Variants in ZNF721 observed in about 807,000 individuals in gnomAD.
ZNF721 encodes zinc finger protein 721.
Under a neutral mutation model 2.4 loss-of-function variants are expected in ZNF721, and 2 were observed. That is an observed-to-expected ratio of 0.82 (90% CI 0.34 to 2.58). ZNF721 has a LOEUF of 2.58. Ranked by LOEUF, ZNF721 falls within the 30% of genes most tolerant of loss-of-function variation. The pLI, the probability that ZNF721 is intolerant of heterozygous loss-of-function variation, is 0.11. For missense variants in ZNF721, 1,187 were observed against 1,085.5 expected, an observed-to-expected ratio of 1.09 and a Z score of -1.31; for synonymous variants, 398 against 381.8, an observed-to-expected ratio of 1.04 and a Z score of -0.50.
intron 2 of ZNF721, among the ~76,000 whole-genome samples, chr4:462,182 G>A (rs533720681): frequency 1.3e-5 from 2 of 152,142 alleles, no homozygotes; most frequent in South Asian, 4.1e-4. Flanking sequence ...AAAATACCTA[G>A]GAATACAATT....
intron 2 of ZNF721, among the ~76,000 whole-genome samples, chr4:451,575 T>A (rs1714662389): frequency 6.6e-6 from 1 of 152,176 alleles, no homozygotes; most frequent in Admixed American, 6.5e-5. Context: ...CTGGTGAATG[T>A]AAATATATAT....
intron 2 of ZNF721, among the ~76,000 whole-genome samples, chr4:444,979 CTTTT>C (rs569762644): frequency 2.8e-4 from 30 of 108,714 alleles, no homozygotes; most frequent in Admixed American, 3.0e-4. Context: ...TGATGAGAGA[CTTTT>C]TTTTTTTTTT....
chr4:455,363 A>G (rs868946536), intron 2 of ZNF721, among the ~76,000 whole-genome samples: 46 of 152,208 alleles, frequency 3.0e-4, no homozygotes, highest in South Asian at 1.9e-3. Context: ...AGGTCAAGCG[A>G]TCGAGACCAT....
Position 441,855 on chromosome 4 carries a change from C to A in ZNF721, c.2612G>T (p.Gly871Val). Residue 871 changes from glycine to valine, a missense_variant, in exon 3 of 3, where the codon GGC becomes GTC. Physicochemically the swap from Gly to Val is moderately radical, Grantham distance 109. Transcript: ENST00000511833. The stretch of plus-strand genomic sequence containing the variant: ...ATTTGCAGACTGTCTAAAGGTTTTG[C>A]CACATTCTCCACATGTGTAGGGTTT... ...GEKPYTCGEC[G>V]KTFRQSANLY... 6.2e-7 allele frequency: 1 copy of A among 1,613,988 alleles called. No individual in the cohort carries two copies. The highest frequency in any genetic ancestry group is 1.1e-5 in the South Asian group (1 of 91,074).
chr4:468,541 T>C (rs73219252), intron 2 of ZNF721, among the ~76,000 whole-genome samples: 20,769 of 152,164 alleles, frequency 0.14, 2,104 homozygotes, highest in African/African-American at 0.29. Flanking sequence ...CCAATCCTAC[T>C]GCCTGCCATA....
chr4:443,680 T>C lies in ZNF721; in HGVS notation c.787A>G (p.Ser263Gly), dbSNP rs370185676. The change falls in exon 3 of 3, where the codon AGC becomes GGC. Residue 263 changes from serine to glycine, a missense_variant. Ser to Gly is a moderately conservative substitution (Grantham distance 56, BLOSUM62 0). Coordinates refer to ENST00000511833, the MANE Select transcript of ZNF721 (RefSeq NM_133474.4). ...TGAATCCTCTTATGTTTAGCAAAGC[T>C]TGAGGATGAGGAAATGACTTTGCCA... ...ECGKVISSSSSFAKHKRIHTG... is the reference protein window; with the variant it reads ...ECGKVISSSSGFAKHKRIHTG... The C allele has an allele frequency of 6.4e-5, 103 of 1,614,068 alleles. No individual in the cohort carries two copies. The African/African-American group carries it at 1.3e-3, about 20-fold the overall frequency.
At chr4:491,373 G>A (rs1449843105) in intron 1 of ZNF721, among the ~76,000 whole-genome samples, 3 of 152,150 alleles carry the variant, frequency 2.0e-5, no homozygotes, top group East Asian at 1.9e-4. Flanking sequence ...AGCCAAGATC[G>A]TGCCATTGCA....
At position 441,785 on chromosome 4, in the gene ZNF721, C is replaced by T. The variant is rs781856378; in HGVS notation, c.2682G>A (p.Thr894=). 1.3e-4 allele frequency: 212 copies of T among 1,612,596 alleles called. No individual in the cohort carries two copies. The highest frequency in any genetic ancestry group is 1.6e-4 in the African/African-American group (12 of 74,514). The change falls in exon 3 of 3, where the codon ACG becomes ACA. Residue 894 remains threonine (T), a synonymous_variant. Transcript: ENST00000511833. ...TAAAGGTTTTGCCACAGTCTCCACA[C>T]GTGTAGGGTTTCTCTCCAGTATGAA... is the stretch of plus-strand genomic sequence containing the variant. The part of the protein sequence containing the change: ...KKIHTGEKPY[T]CGDCGKTFRQ...
intron 1 of ZNF721, chr4:474,025 A>T (rs567107788): frequency 6.7e-7 from 1 of 1,497,308 alleles, no homozygotes; most frequent in Non-Finnish European, 9.0e-7. Context: ...GCTACGAATC[A>T]TCCAATACCC....
At chr4:451,103 A>G (rs1240213574) in intron 2 of ZNF721, among the ~76,000 whole-genome samples, 5 of 151,406 alleles carry the variant, frequency 3.3e-5, no homozygotes, top group Non-Finnish European at 5.9e-5. Flanking sequence ...TTAGAGATAA[A>G]TATCAGATTT....
rs565467485 is a variant in ZNF721 at position 495,906 on chromosome 4, T to G, written c.-94+3150A>C. Among the ~76,000 whole-genome samples the G allele has an allele frequency of 2.6e-5, 4 of 152,230 alleles. No homozygotes were observed. In the South Asian group the frequency reaches 6.2e-4, roughly 24 times the overall value. On this transcript the variant is annotated intron_variant, in intron 1 of 2. Coordinates refer to ENST00000511833, the MANE Select transcript of ZNF721 (RefSeq NM_133474.4). ...CGTGAGCCACTGAGCATGGCCAAAT[T>G]AAGCTGACTTTTAACCATTGAGCTC...
intron 2 of ZNF721, among the ~76,000 whole-genome samples, chr4:461,831 C>A (rs1468965709): frequency 6.6e-6 from 1 of 152,046 alleles, no homozygotes; most frequent in Non-Finnish European, 1.5e-5. Context: ...CAAGATCACG[C>A]CACTGCACTC....
intron 2 of ZNF721, among the ~76,000 whole-genome samples, chr4:467,746 C>G (rs1308574592): frequency 1.3e-5 from 2 of 152,242 alleles, no homozygotes; most frequent in African/African-American, 4.8e-5. Flanking sequence ...CTCAGTTGTG[C>G]TCCTTGAAGC....
intron 1 of ZNF721, among the ~76,000 whole-genome samples, chr4:490,293 G>A (rs1298551977): frequency 7.2e-5 from 11 of 151,884 alleles, no homozygotes; most frequent in South Asian, 2.1e-4. Flanking sequence ...TGGCTAACAC[G>A]GTGAAACCCC....
At chr4:489,564 C>A (rs1715974274) in intron 1 of ZNF721, among the ~76,000 whole-genome samples, 1 of 152,174 alleles carries the variant, frequency 6.6e-6, no homozygotes, top group Non-Finnish European at 1.5e-5. Context: ...TCTAGGGGCA[C>A]TGTCCCACCC....
rs781834623 is a variant in ZNF721 at position 472,712 on chromosome 4, A to G, written c.-93-11T>C. 8.7e-6 allele frequency: 14 copies of G among 1,611,448 alleles called. No homozygotes were observed. The highest frequency in any genetic ancestry group is 2.7e-5 in the African/African-American group (2 of 74,748). ...GAATGTTAAGGGTTCCTGAAAATAC[A>G]TATGTATCAAGTGACAGAGTTCTTA... On this transcript the variant is annotated splice_polypyrimidine_tract_variant and intron_variant, in intron 1 of 2. Coordinates refer to ENST00000511833, the MANE Select transcript of ZNF721 (RefSeq NM_133474.4).
rs533436453 is a variant in ZNF721 at position 462,658 on chromosome 4, T to G, written c.34+9917A>C. On this transcript the variant is annotated intron_variant, in intron 2 of 2. Coordinates refer to ENST00000511833, the MANE Select transcript of ZNF721 (RefSeq NM_133474.4). ...ACAAAAACAAGCAACAGGGAAAGGA[T>G]TCCCTATTTAATAAATGGTGTTGGG... is the stretch of plus-strand genomic sequence containing the variant. 2.6e-5 allele frequency among the ~76,000 whole-genome samples: 4 copies of G among 152,304 alleles called. No individual in the cohort carries two copies. In the East Asian group the frequency reaches 7.7e-4, roughly 29 times the overall value.
chr4:492,611 G>C (rs1576974769), intron 1 of ZNF721, among the ~76,000 whole-genome samples: 1 of 148,476 alleles, frequency 6.7e-6, no homozygotes, highest in African/African-American at 2.5e-5. Flanking sequence ...AAAAGTTTTG[G>C]GTTTTTTTTT....
At chr4:462,405 TTAAA>T (rs1715097834) in intron 2 of ZNF721, among the ~76,000 whole-genome samples, 3 of 152,150 alleles carry the variant, frequency 2.0e-5, no homozygotes, top group African/African-American at 7.2e-5. Flanking sequence ...GAAAACTACT[TTAAA>T]TTTCATATGG....
Sources: gnomAD v4.1 joint callset for allele counts (sites outside exome capture counted in the v4.1 genomes callset) on GRCh38, gnomAD v4.1.1 for gene constraint, MANE v1.5 for transcripts, NCBI Gene and HGNC (gene_info 2026-07-23, HGNC 2026-07-21) for gene names.